MAD1L1: variants seen among roughly 807,000 people sequenced by gnomAD.
MAD1L1 encodes the protein mitotic arrest deficient 1 like 1.
Under a neutral mutation model 96.9 loss-of-function variants are expected in MAD1L1, and 95 were observed. The ratio of observed to expected loss-of-function variants is 0.98; its 90% CI spans 0.83 to 1.16. MAD1L1 has a LOEUF of 1.16. MAD1L1 is among the 50% of genes most tolerant of loss of function. The pLI, the probability that MAD1L1 is intolerant of heterozygous loss-of-function variation, is 0.00. For synonymous variants in MAD1L1, 473 were observed against 396.6 expected (o/e 1.19, Z -2.29); for missense variants, 1,007 against 954.4 (o/e 1.06, Z -0.73).
intron 18 of MAD1L1, among the ~76,000 whole-genome samples, chr7:1,839,211 C>A (rs1400484794): frequency 2.0e-5 from 3 of 152,012 alleles, no homozygotes; most frequent in Admixed American, 2.0e-4. Flanking sequence ...TGGAGCAGGG[C>A]TTGGTGGGAG....
chr7:1,856,140 C>T (rs1465043908), intron 18 of MAD1L1, among the ~76,000 whole-genome samples: 3 of 152,244 alleles, frequency 2.0e-5, no homozygotes, highest in Non-Finnish European at 2.9e-5. Context: ...TAGAGGGACA[C>T]AGACCTTCAG....
intron 17 of MAD1L1, among the ~76,000 whole-genome samples, chr7:1,935,581 G>C (rs183949628): frequency 6.6e-6 from 1 of 152,198 alleles, no homozygotes; most frequent in African/African-American, 2.4e-5. Flanking sequence ...ACAAAGGAGC[G>C]GGGCAGAGGA....
intron 11 of MAD1L1, among the ~76,000 whole-genome samples, chr7:2,099,892 C>T (rs1267119246): frequency 6.6e-6 from 1 of 152,246 alleles, no homozygotes; most frequent in African/African-American, 2.4e-5. Context: ...CCAGGCATGA[C>T]TCAGAAGAAC....
chr7:1,887,312 T>G (rs1370086774), intron 18 of MAD1L1, among the ~76,000 whole-genome samples: 1 of 151,762 alleles, frequency 6.6e-6, no homozygotes, highest in South Asian at 2.1e-4. Flanking sequence ...GGCATGTGTG[T>G]GCATGCATGC....
chr7:2,130,758 C>A (rs1320621418), intron 11 of MAD1L1, among the ~76,000 whole-genome samples: 1 of 152,242 alleles, frequency 6.6e-6, no homozygotes, highest in Admixed American at 6.5e-5. Context: ...CTTCCAGTCA[C>A]CGATCTTTGT....
At chr7:2,105,770 C>G (rs1178079975) in intron 11 of MAD1L1, among the ~76,000 whole-genome samples, 2 of 152,086 alleles carry the variant, frequency 1.3e-5, no homozygotes, top group Admixed American at 1.3e-4. Context: ...GCACGTGAGA[C>G]GCCCAGCCAA....
Position 1,815,796 on chromosome 7 carries a change from CTAGGGGAGAAGA to C in MAD1L1, c.*262_*273del. 2 of 465,982 alleles carry C rather than the reference CTAGGGGAGAAGA, an allele frequency of 4.3e-6. No homozygotes were observed. The highest frequency in any genetic ancestry group is 5.3e-5 in the South Asian group (2 of 37,774). The allele number at this position is 465,982 out of a possible 1,614,324, so 28.9% of individuals were successfully genotyped here. A position where few individuals can be genotyped will look rare whatever the true frequency, so the allele number is the denominator to read the frequency against. On this transcript the variant is annotated 3_prime_UTR_variant, in exon 19 of 19. Coordinates refer to ENST00000265854, the MANE Select transcript of MAD1L1 (RefSeq NM_001013836.2). ...AGATACACAGGGCGAGTGGGAGTGT[CTAGGGGAGAAGA>C]TTTTATTTCACAAGGTGAGGAACCC...
At chr7:2,000,852 C>T (rs928942352) in intron 14 of MAD1L1, among the ~76,000 whole-genome samples, 16 of 152,244 alleles carry the variant, frequency 1.1e-4, no homozygotes, top group Non-Finnish European at 1.9e-4. Context: ...TGCCCAGACC[C>T]GCGCGGTGCC....
chr7:1,922,527 G>C (rs10268609), intron 17 of MAD1L1, among the ~76,000 whole-genome samples: 1 of 152,174 alleles, frequency 6.6e-6, no homozygotes, highest in Non-Finnish European at 1.5e-5. Context: ...CAGAAATCCC[G>C]GGTGAACTCG....
At chr7:1,901,914 T>A (rs560597862) in intron 17 of MAD1L1, among the ~76,000 whole-genome samples, 1 of 152,290 alleles carries the variant, frequency 6.6e-6, no homozygotes, top group South Asian at 2.1e-4. Context: ...GGACCCCTGC[T>A]TTGGGCAGAA....
At chr7:1,860,726 G>GC (rs906588195) in intron 18 of MAD1L1, among the ~76,000 whole-genome samples, 7 of 152,276 alleles carry the variant, frequency 4.6e-5, no homozygotes, top group African/African-American at 1.4e-4. Context: ...ATCATCCTGG[G>GC]CATCACCCCG....
intron 17 of MAD1L1, among the ~76,000 whole-genome samples, chr7:1,903,511 G>A (rs1787406149): frequency 6.8e-6 from 1 of 146,846 alleles, no homozygotes; most frequent in South Asian, 2.2e-4. Flanking sequence ...CACTGTTCCA[G>A]GCAGCGAGGA....
intron 16 of MAD1L1, among the ~76,000 whole-genome samples, chr7:1,938,863 C>CGG (rs1396590127): frequency 1.4e-4 from 19 of 140,444 alleles, no homozygotes; most frequent in African/African-American, 4.6e-4. Flanking sequence ...CACACACACA[C>CGG]ACACACACGG....
At chr7:2,013,393 C>T (rs1242962935) in intron 13 of MAD1L1, among the ~76,000 whole-genome samples, 5 of 152,268 alleles carry the variant, frequency 3.3e-5, no homozygotes, top group Admixed American at 6.5e-5. Context: ...TCACAGAGCT[C>T]GGCTGTTCAG....
chr7:2,099,816 CTA>C (rs911353098), intron 11 of MAD1L1, among the ~76,000 whole-genome samples: 1 of 152,256 alleles, frequency 6.6e-6, no homozygotes, highest in Non-Finnish European at 1.5e-5. Flanking sequence ...GGCCATGAAA[CTA>C]TCCCCAGTGG....
chr7:1,891,474 C>T (rs537457298), intron 18 of MAD1L1, among the ~76,000 whole-genome samples: 1 of 152,140 alleles, frequency 6.6e-6, no homozygotes, highest in Admixed American at 6.5e-5. Flanking sequence ...TGCAGTGAGC[C>T]GAAATCGCGC....
intron 16 of MAD1L1, among the ~76,000 whole-genome samples, chr7:1,954,600 G>C (rs1299953487): frequency 6.6e-6 from 1 of 152,206 alleles, no homozygotes; most frequent in East Asian, 1.9e-4. Context: ...CAATAGCCAT[G>C]GGGGTCCCTC....
intron 11 of MAD1L1, among the ~76,000 whole-genome samples, chr7:2,104,252 G>A (rs1035089025): frequency 5.9e-5 from 9 of 152,232 alleles, no homozygotes; most frequent in African/African-American, 1.2e-4. Context: ...GTGCACTGGC[G>A]GAGGCTGCTC....
intron 18 of MAD1L1, among the ~76,000 whole-genome samples, chr7:1,853,852 G>T (rs1156513777): frequency 6.6e-6 from 1 of 152,178 alleles, no homozygotes; most frequent in Non-Finnish European, 1.5e-5. Context: ...GGAGGACCGG[G>T]CAGGCCCCAC....
Sources: allele counts gnomAD v4.1 joint callset (sites outside exome capture counted in the v4.1 genomes callset), GRCh38; gene constraint gnomAD v4.1.1; transcripts MANE v1.5; gene names NCBI Gene and HGNC (gene_info 2026-07-23, HGNC 2026-07-21).